Variants in ALG5 observed in about 807,000 individuals in gnomAD.
ALG5 encodes the protein ALG5 dolichyl-phosphate beta-glucosyltransferase.
Under a neutral mutation model 51.8 loss-of-function variants are expected in ALG5, and 26 were observed. The observed-to-expected ratio is 0.50, with a 90% CI of 0.37 to 0.70. The LOEUF is 0.70. Among genes scored for constraint, ALG5 ranks in the 30% least tolerant of loss-of-function variants. The pLI, the probability that ALG5 is intolerant of heterozygous loss-of-function variation, is 0.00. For synonymous variants in ALG5, 141 were observed against 136.1 expected (o/e 1.04, Z -0.25); for missense variants, 311 against 399.3 (o/e 0.78, Z 1.88).
At chr13:36,988,591 G>C (rs1428091467) in intron 5 of ALG5, among the ~76,000 whole-genome samples, 1 of 152,182 alleles carries the variant, frequency 6.6e-6, no homozygotes, top group African/African-American at 2.4e-5. Flanking sequence ...TGATAACACT[G>C]GGTAATTTAC....
At chr13:36,962,249 T>C (rs1438884691) in intron 8 of ALG5, among the ~76,000 whole-genome samples, 1 of 152,200 alleles carries the variant, frequency 6.6e-6, no homozygotes, top group Non-Finnish European at 1.5e-5. Context: ...AAGGCATAGA[T>C]ATACAACTTG....
At chr13:36,977,111 A>G (rs1282211315) in intron 6 of ALG5, among the ~76,000 whole-genome samples, 1 of 152,244 alleles carries the variant, frequency 6.6e-6, no homozygotes, top group Non-Finnish European at 1.5e-5. Context: ...AGTTTTGTGT[A>G]TCTGAAGAAT....
chr13:36,998,935 GCGCGGGCGCCAGGGGCGA>G lies in ALG5; in HGVS notation c.66+282_66+299del, dbSNP rs2059067634. ...GGTTGACAGAGGAGGTGGGTAGGGG[GCGCGGGCGCCAGGGGCGA>G]TGGAAGCGGCGATGATGCCAGGCCG... On this transcript the variant is annotated intron_variant, in intron 1 of 9. Transcript: ENST00000239891. 6 of 304,630 alleles carry G rather than the reference GCGCGGGCGCCAGGGGCGA, an allele frequency of 2.0e-5. No homozygotes were observed. The East Asian group carries it at 3.2e-4, about 16-fold the overall frequency. The allele number at this position is 304,630 out of a possible 1,614,324, so 18.9% of individuals were successfully genotyped here. A position where few individuals can be genotyped will look rare whatever the true frequency, so the allele number is the denominator to read the frequency against.
chr13:36,976,297 C>A (rs887655479), intron 6 of ALG5, among the ~76,000 whole-genome samples: 2 of 150,470 alleles, frequency 1.3e-5, no homozygotes, highest in Non-Finnish European at 1.5e-5. Flanking sequence ...AGTGGTGGTG[C>A]ATGCCTGTAA....
chr13:36,980,237 T>A (rs1194117943), intron 6 of ALG5, among the ~76,000 whole-genome samples: 1 of 151,900 alleles, frequency 6.6e-6, no homozygotes, highest in South Asian at 2.1e-4. Context: ...TTTGAAAAAA[T>A]TTTTTATTAT....
At chr13:36,952,473 T>A in intron 9 of ALG5, 41 bp downstream of exon 9, 1 of 1,417,180 alleles carries the variant, frequency 7.1e-7, no homozygotes, top group Non-Finnish European at 9.8e-7. Context: ...ACAACTGTAT[T>A]ATCTGACTCA....
At chr13:36,979,909 T>C (rs1311106264) in intron 6 of ALG5, among the ~76,000 whole-genome samples, 3 of 152,070 alleles carry the variant, frequency 2.0e-5, no homozygotes, top group South Asian at 2.1e-4. Context: ...TAACCAGGCA[T>C]GGTGGTTTGC....
intron 8 of ALG5, among the ~76,000 whole-genome samples, chr13:36,963,432 A>T (rs2058877255): frequency 6.6e-6 from 1 of 152,174 alleles, no homozygotes; most frequent in Admixed American, 6.5e-5. Context: ...GAAAAATAGT[A>T]TTCTCAATTT....
intron 6 of ALG5, among the ~76,000 whole-genome samples, chr13:36,976,648 T>C (rs113121341): frequency 0.03 from 4,604 of 151,766 alleles, 97 homozygotes; most frequent in Non-Finnish European, 0.046. Flanking sequence ...CTTGGGAGGC[T>C]GAGGCAGGAG....
chr13:36,997,930 C>T (rs766012364), intron 1 of ALG5, among the ~76,000 whole-genome samples: 1 of 152,046 alleles, frequency 6.6e-6, no homozygotes, highest in Non-Finnish European at 1.5e-5. Flanking sequence ...TTTGAGTACA[C>T]GAGCTCATTT....
At chr13:36,957,215 C>T (rs1446288413) in intron 8 of ALG5, among the ~76,000 whole-genome samples, 1 of 151,480 alleles carries the variant, frequency 6.6e-6, no homozygotes, top group Non-Finnish European at 1.5e-5. Context: ...CCTGCCTTAT[C>T]GCCAAGCTCC....
Position 36,965,455 on chromosome 13 carries a change from C to T in ALG5, c.773+120G>A, listed in dbSNP as rs2058888680. The T allele has an allele frequency of 1.3e-5, 14 of 1,061,756 alleles. 1 individual carries two copies. Among genetic ancestry groups the T allele is most frequent in the East Asian group, 4.8e-5 (2 of 41,798 alleles). 65.8% of individuals were successfully genotyped at this position (1,061,756 alleles called of 1,614,324 possible). On this transcript the variant is annotated intron_variant, in intron 8 of 9. Coordinates refer to ENST00000239891, the MANE Select transcript of ALG5 (RefSeq NM_013338.5). ...ATAAAGGCAAGATCAAGTTTACATACATTATTGTCAATTTTGTTTAAATCT... is the reference window on the plus strand; with the variant it reads ...ATAAAGGCAAGATCAAGTTTACATATATTATTGTCAATTTTGTTTAAATCT...
chr13:36,981,157 C>T (rs1381424565), intron 6 of ALG5, among the ~76,000 whole-genome samples: 1 of 151,962 alleles, frequency 6.6e-6, no homozygotes, highest in Admixed American at 6.6e-5. Context: ...TAAGAATCAT[C>T]AGAACCAGAA....
chr13:36,998,295 A>G (rs923385750), intron 1 of ALG5, among the ~76,000 whole-genome samples: 1 of 152,242 alleles, frequency 6.6e-6, no homozygotes, highest in Non-Finnish European at 1.5e-5. Flanking sequence ...AGTTAGGGCA[A>G]GAGAGGACTC....
At chr13:36,957,941 C>T (rs117718001) in intron 8 of ALG5, among the ~76,000 whole-genome samples, 1 of 152,142 alleles carries the variant, frequency 6.6e-6, no homozygotes, top group African/African-American at 2.4e-5. Flanking sequence ...CTTTTATCTA[C>T]CCCAACCGCG....
At chr13:36,987,238 T>C (rs1593682028) in intron 5 of ALG5, among the ~76,000 whole-genome samples, 1 of 152,312 alleles carries the variant, frequency 6.6e-6, no homozygotes, top group African/African-American at 2.4e-5. Flanking sequence ...CTGCCTCTTA[T>C]ACCAGCTCCT....
In ALG5 at chr13:36,989,682, T is replaced by C. The variant is rs2059017165; in HGVS notation, c.355-106A>G. ...AAACACTGCTATTGCAGTTTATCCCTTCTTGTGACTAGGTTACACCCACTG... is the reference window on the plus strand; with the variant it reads ...AAACACTGCTATTGCAGTTTATCCCCTCTTGTGACTAGGTTACACCCACTG... On this transcript the variant is annotated intron_variant, in intron 4 of 9. Transcript: ENST00000239891. 2.0e-5 allele frequency: 16 copies of C among 814,992 alleles called. No individual in the cohort carries two copies. The South Asian group carries it at 2.7e-4, about 14-fold the overall frequency. 50.5% of individuals were successfully genotyped at this position (814,992 alleles called of 1,614,324 possible).
chr13:36,975,619 C>G (rs1465586276), intron 6 of ALG5, among the ~76,000 whole-genome samples: 1 of 152,182 alleles, frequency 6.6e-6, no homozygotes, highest in Non-Finnish European at 1.5e-5. Context: ...AGAAAGGCAA[C>G]TGAAAGAACA....
chr13:36,972,790 A>C (rs923968566), intron 6 of ALG5, among the ~76,000 whole-genome samples: 7 of 152,076 alleles, frequency 4.6e-5, no homozygotes, highest in African/African-American at 1.7e-4. Context: ...CAGGAGATCG[A>C]GATCATCCTG....
Sources: allele counts gnomAD v4.1 joint callset (sites outside exome capture counted in the v4.1 genomes callset), GRCh38; gene constraint gnomAD v4.1.1; transcripts MANE v1.5; gene names NCBI Gene and HGNC (gene_info 2026-07-23, HGNC 2026-07-21).